Variants in PLCL2 observed in about 807,000 individuals in gnomAD.
PLCL2 encodes the protein phospholipase C like 2.
A neutral mutation model predicts 79.6 loss-of-function variants in PLCL2; 4 were observed. The observed-to-expected ratio is 0.05, with a 90% CI of 0.02 to 0.11. The LOEUF (loss-of-function observed/expected upper bound fraction) is 0.11. Ranked by LOEUF, PLCL2 falls within the 10% of genes least tolerant of loss-of-function variation. PLCL2 has a pLI of 1.00. For synonymous variants in PLCL2, 484 were observed against 457.7 expected (o/e 1.06, Z -0.73); for missense variants, 895 against 1,291.0 (o/e 0.69, Z 4.70).
chr3:16,907,495 G>A (rs1038372298), intron 1 of PLCL2, among the ~76,000 whole-genome samples: 2 of 152,132 alleles, frequency 1.3e-5, no homozygotes, highest in African/African-American at 4.8e-5. Context: ...AGGACTCCTT[G>A]CCCAAATGCT....
chr3:17,046,947 T>C (rs2064786367), intron 4 of PLCL2, among the ~76,000 whole-genome samples: 1 of 152,126 alleles, frequency 6.6e-6, no homozygotes, highest in African/African-American at 2.4e-5. Context: ...AGGTTAAAAA[T>C]AGCAAAATTC....
intron 5 of PLCL2, among the ~76,000 whole-genome samples, chr3:17,085,748 C>A (rs1219818955): frequency 6.7e-6 from 1 of 149,638 alleles, no homozygotes; most frequent in Non-Finnish European, 1.5e-5. Context: ...CATGCCCGGC[C>A]CAATTTATTT....
At chr3:16,966,313 A>G (rs1034066369) in intron 1 of PLCL2, among the ~76,000 whole-genome samples, 2 of 151,726 alleles carry the variant, frequency 1.3e-5, no homozygotes, top group African/African-American at 2.4e-5. Context: ...TATATGCTGG[A>G]TTATGTTTAT....
intron 1 of PLCL2, among the ~76,000 whole-genome samples, chr3:16,964,636 A>G (rs1575557512): frequency 6.6e-6 from 1 of 152,084 alleles, no homozygotes; most frequent in East Asian, 1.9e-4. Flanking sequence ...AGTCCCACCA[A>G]CAGTGTAAAA....
chr3:16,946,249 C>T (rs952980474), intron 1 of PLCL2, among the ~76,000 whole-genome samples: 3 of 152,058 alleles, frequency 2.0e-5, no homozygotes, highest in Admixed American at 1.3e-4. Context: ...CAGCGGAGAG[C>T]GCACCTTGTT....
At chr3:17,028,451 A>G (rs1399570415) in intron 3 of PLCL2, among the ~76,000 whole-genome samples, 3 of 150,780 alleles carry the variant, frequency 2.0e-5, no homozygotes, top group African/African-American at 4.9e-5. Context: ...ACTTATAATT[A>G]TACATTCATT....
intron 1 of PLCL2, among the ~76,000 whole-genome samples, chr3:16,980,963 G>C (rs1238234347): frequency 1.3e-5 from 2 of 152,166 alleles, no homozygotes; most frequent in African/African-American, 2.4e-5. Flanking sequence ...GCGAAACCTC[G>C]TCTCCACCAA....
At chr3:17,076,025 G>T (rs1411343289) in intron 5 of PLCL2, among the ~76,000 whole-genome samples, 1 of 152,104 alleles carries the variant, frequency 6.6e-6, no homozygotes, top group Non-Finnish European at 1.5e-5. Context: ...TATTCTTCTT[G>T]GGTAAATATG....
intron 1 of PLCL2, among the ~76,000 whole-genome samples, chr3:16,916,142 C>T (rs75698130): frequency 0.011 from 1,608 of 152,230 alleles, 18 homozygotes; most frequent in South Asian, 0.013. Flanking sequence ...AGCACCAGCA[C>T]GGTACAGTTG....
At chr3:16,942,173 C>T (rs2063553742) in intron 1 of PLCL2, among the ~76,000 whole-genome samples, 1 of 152,158 alleles carries the variant, frequency 6.6e-6, no homozygotes, top group African/African-American at 2.4e-5. Context: ...GCCTCCTTGT[C>T]CAGTGGACCA....
At chr3:17,073,750 A>C (rs1324391065) in intron 5 of PLCL2, among the ~76,000 whole-genome samples, 3 of 152,230 alleles carry the variant, frequency 2.0e-5, no homozygotes, top group African/African-American at 7.2e-5. Context: ...AGGAGATTCC[A>C]TCTCAAGAAA....
At chr3:17,048,272 C>T (rs971736638) in intron 4 of PLCL2, among the ~76,000 whole-genome samples, 1 of 152,066 alleles carries the variant, frequency 6.6e-6, no homozygotes, top group African/African-American at 2.4e-5. Context: ...ATACAGTTGA[C>T]CCTTGGACAA....
intron 1 of PLCL2, among the ~76,000 whole-genome samples, chr3:16,975,333 A>T (rs1442073273): frequency 6.6e-6 from 1 of 152,198 alleles, no homozygotes; most frequent in Non-Finnish European, 1.5e-5. Flanking sequence ...CTCATGGCAT[A>T]GCTCAGTGAA....
intron 1 of PLCL2, among the ~76,000 whole-genome samples, chr3:16,897,661 G>A (rs560770149): frequency 4.6e-5 from 7 of 152,238 alleles, no homozygotes; most frequent in African/African-American, 1.7e-4. Flanking sequence ...TTTATGCGGG[G>A]AGGATGTGAA....
intron 3 of PLCL2, among the ~76,000 whole-genome samples, chr3:17,016,496 C>A (rs923523404): frequency 1.3e-5 from 2 of 152,114 alleles, no homozygotes; most frequent in African/African-American, 4.8e-5. Flanking sequence ...GTCTGATGAG[C>A]CTCAGGTGCT....
chr3:16,900,198 C>T (rs572357069), intron 1 of PLCL2, among the ~76,000 whole-genome samples: 12 of 152,228 alleles, frequency 7.9e-5, no homozygotes, highest in African/African-American at 2.2e-4. Flanking sequence ...AGAAAATAAC[C>T]TTCATTTTTT....
intron 5 of PLCL2, among the ~76,000 whole-genome samples, chr3:17,078,676 T>G (rs1307275299): frequency 6.6e-6 from 1 of 152,124 alleles, no homozygotes; most frequent in Non-Finnish European, 1.5e-5. Flanking sequence ...ACCAGATGGT[T>G]TTTGCACCTG....
chr3:16,971,840 G>A (rs2063871799), intron 1 of PLCL2, among the ~76,000 whole-genome samples: 1 of 152,008 alleles, frequency 6.6e-6, no homozygotes, highest in Non-Finnish European at 1.5e-5. Context: ...TCATGATTTG[G>A]CTCTCTGTTT....
chr3:17,000,505 C>T (rs945568984), intron 1 of PLCL2, among the ~76,000 whole-genome samples: 2 of 152,044 alleles, frequency 1.3e-5, no homozygotes, highest in African/African-American at 4.8e-5. Context: ...TGACTATAGT[C>T]AACCTACTGT....
Sources: gnomAD v4.1 joint callset for allele counts (sites outside exome capture counted in the v4.1 genomes callset) on GRCh38, gnomAD v4.1.1 for gene constraint, MANE v1.5 for transcripts, NCBI Gene and HGNC (gene_info 2026-07-23, HGNC 2026-07-21) for gene names.